The following CADPS2 variants were observed in gnomAD, a reference collection of about 807,000 sequenced individuals.
CADPS2 encodes calcium dependent secretion activator 2, also known as calcium-dependent secretion activator 2.
CADPS2 carries 93 observed loss-of-function variants against 172.5 expected under a neutral mutation model. The observed-to-expected ratio is 0.54, with a 90% CI of 0.46 to 0.64. The LOEUF is 0.64. Among genes scored for constraint, CADPS2 ranks in the 30% least tolerant of loss-of-function variants. CADPS2 has a pLI of 0.00. For missense variants in CADPS2, 1,420 were observed against 1,565.9 expected (o/e 0.91, Z 1.57); for synonymous variants, 546 against 555.2 (o/e 0.98, Z 0.23).
chr7:122,777,463 C>T (rs1410055008), intron 1 of CADPS2, among the ~76,000 whole-genome samples: 3 of 152,120 alleles, frequency 2.0e-5, no homozygotes, highest in Non-Finnish European at 2.9e-5. Flanking sequence ...CAAGTAATTG[C>T]AAAGGAGCCT....
Position 122,345,511 on chromosome 7 carries a change from T to G in CADPS2, c.3612+63A>C, listed in dbSNP as rs140351965. On this transcript the variant is annotated intron_variant, in intron 28 of 29. Transcript: ENST00000449022. ...ATGCTTTGCAAACATACCATCAAAA[T>G]TCAACTTTTCTCTTTGCAGTTTATC... The G allele has an allele frequency of 8.8e-4, 870 of 985,262 alleles. 6 individuals carry two copies. In the African/African-American group the frequency reaches 0.013, roughly 14 times the overall value. The allele number at this position is 985,262 out of a possible 1,614,324, so 61.0% of individuals were successfully genotyped here.
intron 2 of CADPS2, among the ~76,000 whole-genome samples, chr7:122,708,164 T>C (rs1227371304): frequency 2.0e-5 from 3 of 151,832 alleles, no homozygotes; most frequent in African/African-American, 7.2e-5. Flanking sequence ...TTAACTATTC[T>C]ATTAATCTCC....
intron 3 of CADPS2, among the ~76,000 whole-genome samples, chr7:122,634,322 T>A (rs879289044): frequency 7.2e-5 from 11 of 152,152 alleles, no homozygotes; most frequent in Non-Finnish European, 1.2e-4. Flanking sequence ...TGGTTAGTAA[T>A]TTTTAAATTA....
intron 6 of CADPS2, among the ~76,000 whole-genome samples, chr7:122,610,689 T>C (rs943749703): frequency 1.3e-5 from 2 of 152,150 alleles, no homozygotes; most frequent in East Asian, 3.9e-4. Flanking sequence ...AATTTTATTT[T>C]ATACCTAAAT....
chr7:122,471,713 T>C (rs111286169), intron 13 of CADPS2, 151 bp from the exon 14 acceptor site: 4 of 274,732 alleles, frequency 1.5e-5, no homozygotes, highest in South Asian at 1.4e-4. Flanking sequence ...GAAGAGCTAA[T>C]GTCATCAATT....
rs144956520 is a variant in CADPS2, at chr7:122,576,099, C to T, written c.1335+5080G>A. 4.7e-3 allele frequency among the ~76,000 whole-genome samples: 723 copies of T among 152,266 alleles called. 2 individuals carry two copies. Among genetic ancestry groups the T allele is most frequent in the Non-Finnish European group, 7.9e-3 (536 of 68,006 alleles). ...CATTTCGTTGTCATGTCTCCTTAGT[C>T]TCCTCTGATTTGTGACAGTTTCTCA... On this transcript the variant is annotated intron_variant, in intron 7 of 29. Coordinates refer to ENST00000449022, the MANE Select transcript of CADPS2 (RefSeq NM_017954.11).
At chr7:122,652,125 A>G (rs1474356452) in intron 3 of CADPS2, among the ~76,000 whole-genome samples, 2 of 152,214 alleles carry the variant, frequency 1.3e-5, no homozygotes, top group African/African-American at 4.8e-5. Flanking sequence ...ACCAGAGATT[A>G]ACCACACCAC....
At chr7:122,617,844 C>T (rs1342322559) in intron 5 of CADPS2, among the ~76,000 whole-genome samples, 1 of 152,092 alleles carries the variant, frequency 6.6e-6, no homozygotes. Flanking sequence ...GAGATCGAGA[C>T]CATCCTGGCT....
At chr7:122,657,593 T>G (rs1450759661) in intron 3 of CADPS2, among the ~76,000 whole-genome samples, 2 of 152,190 alleles carry the variant, frequency 1.3e-5, no homozygotes, top group African/African-American at 2.4e-5. Flanking sequence ...AGTTCATTTG[T>G]GATTTGGCTC....
chr7:122,706,286 A>AATACATATATGCTTATATATTCAAGGAAT (rs2087455435), intron 2 of CADPS2, among the ~76,000 whole-genome samples: 1 of 12,288 alleles, frequency 8.1e-5, no homozygotes, highest in African/African-American at 2.0e-4. Flanking sequence ...ATATTCAAGG[A>AATACATATATGCTTATATATTCAAGGAAT]ATATATATAT....
rs551650018 is a variant in CADPS2, at chr7:122,538,405, A to T, written c.1475+16145T>A. ...ACACAAGGAGAAGCTTAATTAGTTT[A>T]AAAAAAAAAAAAAGAACATTTACCT... On this transcript the variant is annotated intron_variant, in intron 8 of 29. Coordinates refer to ENST00000449022, the MANE Select transcript of CADPS2 (RefSeq NM_017954.11). Among the ~76,000 whole-genome samples, 561 of 133,294 alleles carry T rather than the reference A, an allele frequency of 4.2e-3. 4 individuals are homozygous for T. Among genetic ancestry groups the T allele is most frequent in the South Asian group, 0.034 (147 of 4,388 alleles). 87.4% of individuals were successfully genotyped at this position (133,294 alleles called of 152,430 possible). A position where few individuals can be genotyped will look rare whatever the true frequency, so the allele number is the denominator to read the frequency against.
chr7:122,440,999 G>C (rs1043447795), intron 16 of CADPS2, among the ~76,000 whole-genome samples: 7 of 152,002 alleles, frequency 4.6e-5, no homozygotes, highest in African/African-American at 1.7e-4. Context: ...TTGTGGGGGA[G>C]AAACATTTCT....
chr7:122,360,525 A>T (rs1261275891), intron 27 of CADPS2, among the ~76,000 whole-genome samples: 1 of 152,300 alleles, frequency 6.6e-6, no homozygotes, highest in African/African-American at 2.4e-5. Context: ...CCCATCCTAG[A>T]GTGCTATAAC....
intron 27 of CADPS2, among the ~76,000 whole-genome samples, chr7:122,357,570 A>G (rs2039570980): frequency 6.6e-6 from 1 of 152,206 alleles, no homozygotes; most frequent in Non-Finnish European, 1.5e-5. Flanking sequence ...AGTGTCATGT[A>G]TCTACCATTA....
At chr7:122,863,887 G>A (rs943660465) in intron 1 of CADPS2, among the ~76,000 whole-genome samples, 2 of 152,144 alleles carry the variant, frequency 1.3e-5, no homozygotes, top group Non-Finnish European at 2.9e-5. Context: ...AAAATTAGCT[G>A]GGCGTAGTGG....
chr7:122,402,766 G>A (rs901785616), intron 20 of CADPS2, among the ~76,000 whole-genome samples: 2 of 152,172 alleles, frequency 1.3e-5, no homozygotes, highest in African/African-American at 4.8e-5. Context: ...AGCCTATTTT[G>A]TGTAACGCAC....
At chr7:122,500,487 A>G (rs559498326) in intron 9 of CADPS2, among the ~76,000 whole-genome samples, 1 of 152,286 alleles carries the variant, frequency 6.6e-6, no homozygotes, top group South Asian at 2.1e-4. Flanking sequence ...CACTTACCAT[A>G]ACAAATGACA....
intron 6 of CADPS2, among the ~76,000 whole-genome samples, chr7:122,593,551 G>A (rs1291786810): frequency 6.6e-6 from 1 of 152,002 alleles, no homozygotes; most frequent in African/African-American, 2.4e-5. Flanking sequence ...ATAAATGTAA[G>A]AGCACAGCAC....
intron 14 of CADPS2, among the ~76,000 whole-genome samples, chr7:122,452,914 A>T (rs982449177): frequency 1.3e-5 from 2 of 152,108 alleles, no homozygotes; most frequent in African/African-American, 4.8e-5. Context: ...TATATGTTTG[A>T]TGCTTGTTAA....
Sources: gnomAD v4.1 joint callset for allele counts (sites outside exome capture counted in the v4.1 genomes callset) on GRCh38, gnomAD v4.1.1 for gene constraint, MANE v1.5 for transcripts, NCBI Gene and HGNC (gene_info 2026-07-23, HGNC 2026-07-21) for gene names.